Variants in UPP2 observed in about 807,000 individuals in gnomAD.
The protein encoded by UPP2 is UPase 2.
UPP2 carries 23 observed loss-of-function variants against 26.7 expected under a neutral mutation model. The ratio of observed to expected loss-of-function variants is 0.86; its 90% CI spans 0.62 to 1.22. The LOEUF is 1.22. UPP2 is among the 50% of genes most tolerant of loss of function. The pLI, the probability that UPP2 is intolerant of heterozygous loss-of-function variation, is 0.00. For missense variants in UPP2, 387 were observed against 396.7 expected, an observed-to-expected ratio of 0.98 and a Z score of 0.21; for synonymous variants, 127 against 141.3, an observed-to-expected ratio of 0.90 and a Z score of 0.72.
At chr2:157,999,252 C>T (rs548516351) in intron 2 of UPP2, among the ~76,000 whole-genome samples, 21 of 152,258 alleles carry the variant, frequency 1.4e-4, no homozygotes, top group African/African-American at 4.6e-4. Context: ...GATCTTAGCT[C>T]ACCGCAACCT....
intron 3 of UPP2, among the ~76,000 whole-genome samples, chr2:158,074,937 G>A (rs891446931): frequency 1.3e-5 from 2 of 150,472 alleles, no homozygotes; most frequent in Admixed American, 6.6e-5. Flanking sequence ...AAAGACATTC[G>A]ATGCAAATGG....
At chr2:158,123,953 C>T (rs965086202) in intron 6 of UPP2, 58 bp downstream of exon 6, 6 of 1,579,804 alleles carry the variant, frequency 3.8e-6, no homozygotes, top group South Asian at 1.2e-5. Flanking sequence ...GCTACTTTTA[C>T]ACCTTAGGAG....
At chr2:158,052,177 T>C (rs1268127058) in intron 3 of UPP2, among the ~76,000 whole-genome samples, 5 of 152,178 alleles carry the variant, frequency 3.3e-5, no homozygotes, top group Admixed American at 1.3e-4. Context: ...TGTCCTGTAT[T>C]TTATCTGGTA....
chr2:158,052,135 T>C (rs1000388348), intron 3 of UPP2, among the ~76,000 whole-genome samples: 6 of 152,172 alleles, frequency 3.9e-5, no homozygotes, highest in Admixed American at 3.9e-4. Context: ...CTAAAAAAAT[T>C]TGTTGTTTAT....
In UPP2 at chr2:158,042,921, C is replaced by T. The variant is rs146128157; in HGVS notation, c.147+27035C>T. Among the ~76,000 whole-genome samples the T allele has an allele frequency of 9.3e-3, 1,419 of 152,320 alleles. 20 individuals carry two copies. Among genetic ancestry groups the T allele is most frequent in the Non-Finnish European group, 0.017 (1,127 of 68,030 alleles). ...AAAGAGGCCCCTGCCGAGCCTTTTC[C>T]TGCCAGGCCTGGGCCTGTGAAGCTC... On this transcript the variant is annotated intron_variant, in intron 3 of 9. Transcript: ENST00000605860.
At chr2:158,035,808 A>G (rs1390927871) in intron 3 of UPP2, among the ~76,000 whole-genome samples, 2 of 152,220 alleles carry the variant, frequency 1.3e-5, no homozygotes, top group Non-Finnish European at 2.9e-5. Flanking sequence ...TTCTTATTTT[A>G]CATTGTAAGC....
At chr2:158,047,031 T>G (rs1684165310) in intron 3 of UPP2, among the ~76,000 whole-genome samples, 1 of 152,206 alleles carries the variant, frequency 6.6e-6, no homozygotes, top group East Asian at 1.9e-4. Flanking sequence ...TTGCAGTCTC[T>G]CTGGGTTATA....
rs80298128 is a variant in UPP2 at position 158,013,673 on chromosome 2, G to A, written c.62-2128G>A. Among the ~76,000 whole-genome samples, 301 of 152,334 alleles carry A rather than the reference G, an allele frequency of 2.0e-3. 1 individual carries two copies. Among genetic ancestry groups the A allele is most frequent in the African/African-American group, 7.0e-3 (291 of 41,572 alleles). ...GATGATGGATACAGAGTTCCTGCGT[G>A]GCAACAGGCACTCAATAAATAGTTA... is the stretch of plus-strand genomic sequence containing the variant. On this transcript the variant is annotated intron_variant, in intron 2 of 9. Transcript: ENST00000605860.
intron 3 of UPP2, among the ~76,000 whole-genome samples, chr2:158,034,371 G>A (rs751735057): frequency 7.9e-5 from 12 of 152,122 alleles, no homozygotes; most frequent in Non-Finnish European, 1.8e-4. Context: ...TGGCTCCTTC[G>A]ACCTCACACA....
At chr2:158,042,318 C>A (rs927370943) in intron 3 of UPP2, among the ~76,000 whole-genome samples, 1 of 152,092 alleles carries the variant, frequency 6.6e-6, no homozygotes, top group Non-Finnish European at 1.5e-5. Context: ...AGAACAACCC[C>A]CCTCGCTTTT....
chr2:158,021,157 T>A (rs1683744629), intron 3 of UPP2, among the ~76,000 whole-genome samples: 1 of 152,220 alleles, frequency 6.6e-6, no homozygotes, highest in Admixed American at 6.5e-5. Context: ...AGGGGTCCCC[T>A]GGACCTAGGT....
intron 2 of UPP2, among the ~76,000 whole-genome samples, chr2:158,006,316 A>G (rs569794882): frequency 6.6e-6 from 1 of 152,186 alleles, no homozygotes; most frequent in South Asian, 2.1e-4. Flanking sequence ...AAGAATATAA[A>G]AAATTAGCCG....
chr2:158,021,057 A>G (rs1241824365), intron 3 of UPP2, among the ~76,000 whole-genome samples: 2 of 152,176 alleles, frequency 1.3e-5, no homozygotes, highest in African/African-American at 4.8e-5. Context: ...CTGGCAGTCT[A>G]GTGAAGCCCA....
intron 3 of UPP2, among the ~76,000 whole-genome samples, chr2:158,062,238 T>C (rs1482603854): frequency 6.6e-6 from 1 of 152,232 alleles, no homozygotes; most frequent in Non-Finnish European, 1.5e-5. Flanking sequence ...CATACATAGT[T>C]ATTGAGCACT....
At chr2:158,066,348 A>G (rs1316495622) in intron 3 of UPP2, among the ~76,000 whole-genome samples, 1 of 152,218 alleles carries the variant, frequency 6.6e-6, no homozygotes, top group Non-Finnish European at 1.5e-5. Context: ...ATCATGCAGT[A>G]TTGAGTTATG....
rs369901158 is a variant in UPP2, at chr2:158,113,689, C to A, written c.181-1412C>A. ...TAGAGTAAATCATTTGTGAATGGGG[C>A]CGCCTATTCTATAACCTCAGTTAGG... On this transcript the variant is annotated intron_variant, in intron 2 of 6. Transcript: ENST00000005756. Among the ~76,000 whole-genome samples, 5 of 152,184 alleles carry A rather than the reference C, an allele frequency of 3.3e-5. 1 individual carries two copies. The highest frequency in any genetic ancestry group is 1.9e-4 in the East Asian group (1 of 5,204).
chr2:158,028,984 C>T (rs1186540313), intron 3 of UPP2, among the ~76,000 whole-genome samples: 2 of 152,222 alleles, frequency 1.3e-5, no homozygotes, highest in Non-Finnish European at 2.9e-5. Flanking sequence ...TTGCCCAAGG[C>T]TTGGATTTCT....
intron 2 of UPP2, among the ~76,000 whole-genome samples, chr2:158,006,198 G>A (rs1683484250): frequency 6.6e-6 from 1 of 152,208 alleles, no homozygotes; most frequent in Non-Finnish European, 1.5e-5. Flanking sequence ...GGTGGCTCAC[G>A]CCTGTAATCC....
intron 6 of UPP2, among the ~76,000 whole-genome samples, chr2:158,131,114 G>A (rs1370774809): frequency 6.6e-6 from 1 of 152,198 alleles, no homozygotes; most frequent in East Asian, 1.9e-4. Context: ...AGGCATATAG[G>A]GAGCAAAGGT....
Sources: allele counts gnomAD v4.1 joint callset (sites outside exome capture counted in the v4.1 genomes callset), GRCh38; gene constraint gnomAD v4.1.1; transcripts MANE v1.5; gene names NCBI Gene and HGNC (gene_info 2026-07-23, HGNC 2026-07-21).